The following ATXN1 variants were observed in gnomAD, a reference collection of about 807,000 sequenced individuals.
ATXN1 encodes the protein ataxin 1.
ATXN1 carries 8 observed loss-of-function variants against 56.4 expected under a neutral mutation model. The ratio of observed to expected loss-of-function variants is 0.14; its 90% CI spans 0.08 to 0.26. ATXN1 has a LOEUF of 0.26. ATXN1 is among the 10% of genes least tolerant of loss of function. The probability of loss-of-function intolerance (pLI) is 1.00; values close to 1 mark genes in which losing one functional copy is unlikely to be tolerated. For missense variants in ATXN1, 987 were observed against 1,106.5 expected (o/e 0.89, Z 1.53); for synonymous variants, 514 against 494.6 (o/e 1.04, Z -0.52).
rs190508050 is a variant in ATXN1 at position 16,484,058 on chromosome 6, T to A, written c.-161+1914A>T. On this transcript the variant is annotated intron_variant, in intron 6 of 7. Coordinates refer to ENST00000436367, the MANE Select transcript of ATXN1 (RefSeq NM_001128164.2). ...GAAACTTTTACAATAAGGTTTTTTTTAAAAAAATAAGTAAAATAGTGCTTT... is the reference window on the plus strand; with the variant it reads ...GAAACTTTTACAATAAGGTTTTTTTAAAAAAAATAAGTAAAATAGTGCTTT... 9.1e-3 allele frequency among the ~76,000 whole-genome samples: 1,380 copies of A among 152,198 alleles called. 18 individuals carry two copies. The highest frequency in any genetic ancestry group is 0.03 in the African/African-American group (1,243 of 41,506).
At chr6:16,341,436 G>C (rs1248581738) in intron 6 of ATXN1, among the ~76,000 whole-genome samples, 1 of 151,912 alleles carries the variant, frequency 6.6e-6, no homozygotes, top group African/African-American at 2.4e-5. Flanking sequence ...CTAGATGTTG[G>C]GACCACCACT....
At chr6:16,452,798 A>G (rs373894425) in intron 6 of ATXN1, among the ~76,000 whole-genome samples, 25 of 152,178 alleles carry the variant, frequency 1.6e-4, no homozygotes, top group African/African-American at 5.8e-4. Flanking sequence ...TGCATTTATC[A>G]CTTTTATCTT....
intron 6 of ATXN1, among the ~76,000 whole-genome samples, chr6:16,392,375 G>A (rs1758371809): frequency 6.6e-6 from 1 of 152,186 alleles, no homozygotes; most frequent in South Asian, 2.1e-4. Context: ...ATAACTGCCA[G>A]TCATAAAAGT....
intron 1 of ATXN1, among the ~76,000 whole-genome samples, chr6:16,755,600 T>C (rs919947945): frequency 6.6e-6 from 1 of 152,028 alleles, no homozygotes; most frequent in African/African-American, 2.4e-5. Flanking sequence ...CAGAAAAATA[T>C]ATTTTCTTTG....
intron 5 of ATXN1, among the ~76,000 whole-genome samples, chr6:16,497,220 T>C (rs1760797018): frequency 6.6e-6 from 1 of 152,030 alleles, no homozygotes; most frequent in African/African-American, 2.4e-5. Context: ...GTGTTGTGTG[T>C]GGGAGGACAG....
Position 16,753,218 on chromosome 6 carries a change from TCG to T in ATXN1, c.-615+13_-615+14del, listed in dbSNP as rs1561839499. The T allele has an allele frequency of 2.2e-6, 1 of 456,500 alleles. No homozygotes were observed. The highest frequency in any genetic ancestry group is 1.5e-5 in the South Asian group (1 of 64,556). 28.3% of individuals were successfully genotyped at this position (456,500 alleles called of 1,614,324 possible). ...ATCCTCAGATGGAAAACAGAGAGCATCGCAAAACTCTCACCTGACATGTGATG... is the reference window on the plus strand; with the variant it reads ...ATCCTCAGATGGAAAACAGAGAGCATCAAAACTCTCACCTGACATGTGATG... On this transcript the variant is annotated intron_variant, in intron 2 of 7. Transcript: ENST00000436367.
At chr6:16,405,932 G>A (rs1021506374) in intron 6 of ATXN1, among the ~76,000 whole-genome samples, 10 of 152,106 alleles carry the variant, frequency 6.6e-5, no homozygotes, top group African/African-American at 2.4e-4. Context: ...GCTCTTGGTG[G>A]GGTTAACTCT....
At chr6:16,453,979 A>T (rs1207452422) in intron 6 of ATXN1, among the ~76,000 whole-genome samples, 1 of 152,064 alleles carries the variant, frequency 6.6e-6, no homozygotes. Context: ...CGTCTCTACT[A>T]AAACTACAAA....
At chr6:16,581,230 C>CGCGT (rs1415607489) in intron 4 of ATXN1, among the ~76,000 whole-genome samples, 2 of 127,746 alleles carry the variant, frequency 1.6e-5, no homozygotes, top group Non-Finnish European at 3.6e-5. Context: ...TGTGTGCGCG[C>CGCGT]GTGTGTGTGT....
At chr6:16,512,631 G>A (rs919483811) in intron 5 of ATXN1, among the ~76,000 whole-genome samples, 1 of 152,182 alleles carries the variant, frequency 6.6e-6, no homozygotes, top group Non-Finnish European at 1.5e-5. Flanking sequence ...AAGAGAAATA[G>A]AATGGGCTGA....
Position 16,328,928 on chromosome 6 carries a change from A to G in ATXN1, c.-160-458T>C, listed in dbSNP as rs1354389781. 3.9e-5 allele frequency among the ~76,000 whole-genome samples: 6 copies of G among 152,108 alleles called. No individual in the cohort carries two copies. Among genetic ancestry groups the G allele is most frequent in the Non-Finnish European group, 7.4e-5 (5 of 68,012 alleles). On this transcript the variant is annotated intron_variant, in intron 6 of 7. Coordinates refer to ENST00000436367, the MANE Select transcript of ATXN1 (RefSeq NM_001128164.2). This position sits in a 1 kb window ranked among gnomAD's most constrained non-coding sequence, Gnocchi z 6.2. ...GGCAACAGAGCGACACTCTGTCTCC[A>G]AAAACGAAACAAAACAACAACAACA...
chr6:16,553,798 T>C (rs1030705229), intron 4 of ATXN1, among the ~76,000 whole-genome samples: 32 of 152,164 alleles, frequency 2.1e-4, no homozygotes, highest in Non-Finnish European at 4.0e-4. Flanking sequence ...GTCACGCCCC[T>C]AAATGAGACT....
Position 16,326,681 on chromosome 6 carries a change from A to G in ATXN1, c.1630T>C (p.Tyr544His). 6.2e-7 allele frequency: 1 copy of G among 1,613,276 alleles called. No homozygotes were observed. Residue 544 changes from tyrosine to histidine, a missense_variant, in exon 7 of 8, where the codon TAC becomes CAC. Physicochemically the swap from Tyr to His is moderately conservative, Grantham distance 83. This residue lies in a region of ATXN1 where 723 missense variants were observed against 791.7 expected (regional missense o/e 0.91). Transcript: ENST00000436367. This position sits in a 1 kb window ranked among gnomAD's most constrained non-coding sequence, Gnocchi z 6.6. ...ATCTGGGCCTGCACCATGGCTGGGT[A>G]GGCGGCCTGGGTGACCAGGGCCTCA... ...NPEALVTQAA[Y>H]PAMVQAQIHL...
chr6:16,356,832 C>T (rs1000355866), intron 6 of ATXN1, among the ~76,000 whole-genome samples: 7 of 152,126 alleles, frequency 4.6e-5, no homozygotes, highest in Admixed American at 3.9e-4. Flanking sequence ...ATTTGTCAAA[C>T]ATTTTTAGGA....
At chr6:16,605,139 T>C (rs1762980815) in intron 3 of ATXN1, among the ~76,000 whole-genome samples, 1 of 152,214 alleles carries the variant, frequency 6.6e-6, no homozygotes. Flanking sequence ...TAATGCCCAA[T>C]TACTATGCAG....
At chr6:16,628,717 T>C (rs1430234759) in intron 3 of ATXN1, among the ~76,000 whole-genome samples, 4 of 152,228 alleles carry the variant, frequency 2.6e-5, no homozygotes, top group Non-Finnish European at 2.9e-5. Flanking sequence ...ACATGCAGTA[T>C]TTAGTTTTTT....
intron 4 of ATXN1, among the ~76,000 whole-genome samples, chr6:16,578,063 GAATTC>G (rs1159077865): frequency 1.3e-5 from 2 of 151,930 alleles, no homozygotes; most frequent in Non-Finnish European, 2.9e-5. Context: ...CATTTTTCTT[GAATTC>G]ATTTTTGGTT....
At chr6:16,711,187 A>G (rs1018230099) in intron 2 of ATXN1, among the ~76,000 whole-genome samples, 5 of 152,242 alleles carry the variant, frequency 3.3e-5, no homozygotes, top group African/African-American at 1.2e-4. Context: ...AGGAAAAAAA[A>G]TCACTTCAAT....
chr6:16,359,357 T>C (rs1018292754), intron 6 of ATXN1, among the ~76,000 whole-genome samples: 4 of 151,768 alleles, frequency 2.6e-5, no homozygotes, highest in Non-Finnish European at 4.4e-5. Context: ...CCCTCTGAGG[T>C]CCATAAAAGC....
Sources: gnomAD v4.1 joint callset for allele counts (sites outside exome capture counted in the v4.1 genomes callset) on GRCh38, gnomAD v4.1.1 for gene constraint, gnomAD v4.1.1 regional missense constraint, Gnocchi (gnomAD v3.1) non-coding constraint, MANE v1.5 for transcripts, NCBI Gene and HGNC (gene_info 2026-07-23, HGNC 2026-07-21) for gene names.